Variants in SLC17A8 observed in about 807,000 individuals in gnomAD.
SLC17A8 encodes the protein solute carrier family 17 member 8.
A neutral mutation model predicts 58.0 loss-of-function variants in SLC17A8; 31 were observed. The observed-to-expected ratio is 0.53, with a 90% CI of 0.40 to 0.72. The LOEUF (loss-of-function observed/expected upper bound fraction) is 0.72. Among genes scored for constraint, SLC17A8 ranks in the 30% least tolerant of loss-of-function variants. The pLI, the probability that SLC17A8 is intolerant of heterozygous loss-of-function variation, is 0.00. For missense variants in SLC17A8, 655 were observed against 727.8 expected (o/e 0.90, Z 1.15); for synonymous variants, 228 against 249.0 (o/e 0.92, Z 0.79).
chr12:100,405,627 A>G (rs535217362), intron 9 of SLC17A8, among the ~76,000 whole-genome samples: 3 of 152,260 alleles, frequency 2.0e-5, no homozygotes, highest in African/African-American at 7.2e-5. Flanking sequence ...GCACCTCTAG[A>G]AGGAATGCAA....
intron 10 of SLC17A8, among the ~76,000 whole-genome samples, chr12:100,413,995 T>C (rs75046164): frequency 8.4e-4 from 128 of 151,934 alleles, no homozygotes; most frequent in African/African-American, 3.0e-3. Context: ...AATAAATAAA[T>C]AAAATAAAAA....
At position 100,392,624 on chromosome 12, in the gene SLC17A8, GA is replaced by G. The variant is rs529950270; in HGVS notation, c.474-737del. 3.2e-4 allele frequency among the ~76,000 whole-genome samples: 48 copies of G among 151,964 alleles called. 1 individual carries two copies. In the South Asian group the frequency reaches 9.6e-3, roughly 30 times the overall value. On this transcript the variant is annotated intron_variant, in intron 3 of 11. Coordinates refer to ENST00000323346, the MANE Select transcript of SLC17A8 (RefSeq NM_139319.3). The stretch of plus-strand genomic sequence containing the variant: ...GGGTTACCGCTTACACCTCAGCCTT[GA>G]AAAAAAATCACACATAATCTAATTT...
intron 2 of SLC17A8, among the ~76,000 whole-genome samples, chr12:100,388,660 G>A (rs757315108): frequency 2.0e-5 from 3 of 152,222 alleles, no homozygotes; most frequent in Admixed American, 6.5e-5. Context: ...AGCACAGGAC[G>A]AACGTTGAAC....
At chr12:100,373,433 T>C (rs1185224537) in intron 1 of SLC17A8, among the ~76,000 whole-genome samples, 6 of 152,120 alleles carry the variant, frequency 3.9e-5, no homozygotes, top group Non-Finnish European at 8.8e-5. Context: ...AGGAGTGATG[T>C]CTGGAATTGA....
chr12:100,388,064 T>C (rs1284607445), intron 2 of SLC17A8, among the ~76,000 whole-genome samples: 1 of 152,206 alleles, frequency 6.6e-6, no homozygotes, highest in Non-Finnish European at 1.5e-5. Flanking sequence ...TGTACTGACA[T>C]ACTGCTTTTC....
chr12:100,370,881 A>G (rs553376365), intron 1 of SLC17A8, among the ~76,000 whole-genome samples: 4 of 152,206 alleles, frequency 2.6e-5, no homozygotes, highest in Non-Finnish European at 5.9e-5. Flanking sequence ...AATACCTCAA[A>G]ATCTATGAAG....
At chr12:100,359,058 C>T (rs1952466741) in intron 1 of SLC17A8, among the ~76,000 whole-genome samples, 1 of 152,036 alleles carries the variant, frequency 6.6e-6, no homozygotes, top group Non-Finnish European at 1.5e-5. Flanking sequence ...TTGCTTGAGC[C>T]CAGACATTCA....
At chr12:100,410,140 A>G (rs1204391225) in intron 9 of SLC17A8, among the ~76,000 whole-genome samples, 1 of 152,168 alleles carries the variant, frequency 6.6e-6, no homozygotes, top group East Asian at 1.9e-4. Flanking sequence ...CAGGCAGATC[A>G]CCTGAGGTCA....
intron 2 of SLC17A8, 31 bp downstream of exon 2, chr12:100,380,984 CT>C (rs755911109): frequency 1.9e-6 from 3 of 1,613,004 alleles, no homozygotes; most frequent in Non-Finnish European, 2.5e-6. Context: ...GAAGACTTTT[CT>C]TTTTGAGACA....
intron 3 of SLC17A8, among the ~76,000 whole-genome samples, chr12:100,392,208 TC>T (rs1237172020): frequency 2.0e-5 from 3 of 152,156 alleles, no homozygotes; most frequent in Non-Finnish European, 4.4e-5. Context: ...GTTTTTTTTT[TC>T]AAATTCTAAA....
At chr12:100,418,583 G>T (rs1234758938) in intron 11 of SLC17A8, among the ~76,000 whole-genome samples, 1 of 152,156 alleles carries the variant, frequency 6.6e-6, no homozygotes, top group African/African-American at 2.4e-5. Flanking sequence ...TCCTTGTTAA[G>T]AATAAAATAA....
chr12:100,405,550 C>T (rs1469666136), intron 9 of SLC17A8, among the ~76,000 whole-genome samples: 1 of 152,084 alleles, frequency 6.6e-6, no homozygotes, highest in East Asian at 1.9e-4. Flanking sequence ...CAGAGTGATG[C>T]AGCCACAAAC....
At chr12:100,405,599 A>G (rs1952821261) in intron 9 of SLC17A8, among the ~76,000 whole-genome samples, 1 of 152,138 alleles carries the variant, frequency 6.6e-6, no homozygotes, top group Admixed American at 6.6e-5. Flanking sequence ...GGAGAAGACA[A>G]GAAGAGATTC....
At chr12:100,361,445 A>C (rs1452043922) in intron 1 of SLC17A8, among the ~76,000 whole-genome samples, 1 of 152,198 alleles carries the variant, frequency 6.6e-6, no homozygotes, top group South Asian at 2.1e-4. Flanking sequence ...GCTTTCTTCA[A>C]GTATGTGCTC....
intron 10 of SLC17A8, among the ~76,000 whole-genome samples, chr12:100,413,742 G>A (rs537913176): frequency 6.6e-6 from 1 of 152,168 alleles, no homozygotes; most frequent in Non-Finnish European, 1.5e-5. Context: ...TTGGGAGACC[G>A]AGACGAATGG....
At chr12:100,386,842 C>A (rs1194794453) in intron 2 of SLC17A8, among the ~76,000 whole-genome samples, 2 of 152,080 alleles carry the variant, frequency 1.3e-5, no homozygotes, top group Non-Finnish European at 2.9e-5. Flanking sequence ...GCATGTGCCA[C>A]CATGCCAGGC....
chr12:100,418,142 A>G lies in SLC17A8; in HGVS notation c.1411A>G (p.Met471Val). 6.2e-7 allele frequency: 1 copy of G among 1,614,074 alleles called. No homozygotes were observed. The highest frequency in any genetic ancestry group is 2.2e-5 in the East Asian group (1 of 44,884). Residue 471 changes from methionine to valine, a missense_variant, in exon 11 of 12, where the codon ATG becomes GTG. Coordinates refer to ENST00000323346, the MANE Select transcript of SLC17A8 (RefSeq NM_139319.3). ...GMVCPLIVGA[M>V]TRHKTREEWQ... is the part of the protein sequence containing the mutation. ...GGTCTGTCCCCTCATTGTCGGTGCA[A>G]TGACCAGGCACAAGGTAAAGGTCTC...
At chr12:100,406,558 C>CA (rs1013279544) in intron 9 of SLC17A8, among the ~76,000 whole-genome samples, 12 of 147,766 alleles carry the variant, frequency 8.1e-5, no homozygotes, top group African/African-American at 3.0e-4. Flanking sequence ...TTTTTTGAGA[C>CA]AGAGTCTCGC....
intron 2 of SLC17A8, among the ~76,000 whole-genome samples, 200 bp downstream of exon 2, chr12:100,381,153 GC>G (rs1395380481): frequency 1.3e-5 from 2 of 151,806 alleles, no homozygotes; most frequent in African/African-American, 2.4e-5. Context: ...CAGCATCTCA[GC>G]ATCTCAGCAT....
Sources: allele counts gnomAD v4.1 joint callset (sites outside exome capture counted in the v4.1 genomes callset), GRCh38; gene constraint gnomAD v4.1.1; transcripts MANE v1.5; gene names NCBI Gene and HGNC (gene_info 2026-07-23, HGNC 2026-07-21).